MYT1L: variants seen among roughly 807,000 people sequenced by gnomAD.
MYT1L encodes myelin transcription factor 1-like protein.
Under a neutral mutation model 126.7 loss-of-function variants are expected in MYT1L, and 12 were observed. The observed-to-expected ratio is 0.09, with a 90% CI of 0.06 to 0.15. The LOEUF (loss-of-function observed/expected upper bound fraction) is 0.15. MYT1L is among the 10% of genes least tolerant of loss of function. MYT1L has a pLI of 1.00. For synonymous variants in MYT1L, 541 were observed against 604.2 expected, an observed-to-expected ratio of 0.90 and a Z score of 1.53; for missense variants, 979 against 1,585.2, an observed-to-expected ratio of 0.62 and a Z score of 6.49.
rs774451946 is a variant in MYT1L at position 1,922,871 on chromosome 2, C to T, written c.898G>A (p.Val300Ile). 41 of 1,613,856 alleles carry T rather than the reference C, an allele frequency of 2.5e-5. No individual in the cohort carries two copies. Among genetic ancestry groups the T allele is most frequent in the African/African-American group, 4.0e-5 (3 of 74,904 alleles). ...SQQDSRNMNY[V>I]MLGKPMNNGL... ...TTGTTCATGGGCTTCCCCAACATGACGTAATTCATATTTCTACTGTCTTGC... is the reference window on the plus strand; with the variant it reads ...TTGTTCATGGGCTTCCCCAACATGATGTAATTCATATTTCTACTGTCTTGC... The change falls in exon 10 of 25, where the codon GTC (valine) becomes ATC (isoleucine). Residue 300 changes from valine to isoleucine, a missense_variant. Val to Ile is a conservative substitution (Grantham distance 29). Transcript: ENST00000647738. This position sits in a 1 kb window ranked among gnomAD's most constrained non-coding sequence, Gnocchi z 7.4.
chr2:1,861,997 A>ATCCGCCTGCAGCCTGTGTAACCCTAG (rs1558192114), intron 18 of MYT1L, among the ~76,000 whole-genome samples: 5 of 151,374 alleles, frequency 3.3e-5, no homozygotes, highest in Non-Finnish European at 5.9e-5. Flanking sequence ...GTAATCCTGG[A>ATCCGCCTGCAGCCTGTGTAACCCTAG]ATTCGCTGAG....
At chr2:2,168,703 G>C (rs1572084576) in intron 3 of MYT1L, among the ~76,000 whole-genome samples, 2 of 152,152 alleles carry the variant, frequency 1.3e-5, no homozygotes, top group East Asian at 3.9e-4. Context: ...CTGACATGGA[G>C]AGTGGTCAGC....
At chr2:2,071,400 G>A (rs2074579488) in intron 3 of MYT1L, among the ~76,000 whole-genome samples, 1 of 152,148 alleles carries the variant, frequency 6.6e-6, no homozygotes, top group East Asian at 1.9e-4. Flanking sequence ...GAAAAAAGAG[G>A]AAACAAAATG....
At chr2:1,797,421 C>T (rs184869095) in intron 23 of MYT1L, among the ~76,000 whole-genome samples, 1,707 of 152,294 alleles carry the variant, frequency 0.011, 34 homozygotes, top group African/African-American at 0.039. Flanking sequence ...GGGGTTTCAC[C>T]GTGTTAGCCA....
chr2:2,136,779 A>G (rs1469597353), intron 3 of MYT1L, among the ~76,000 whole-genome samples: 1 of 152,202 alleles, frequency 6.6e-6, no homozygotes, highest in Non-Finnish European at 1.5e-5. Flanking sequence ...AAACTGGCAC[A>G]AGACAGGGAT....
At chr2:2,308,657 C>A (rs765971905) in intron 1 of MYT1L, among the ~76,000 whole-genome samples, 4 of 151,884 alleles carry the variant, frequency 2.6e-5, no homozygotes, top group Non-Finnish European at 5.9e-5. Flanking sequence ...ACCTACACTT[C>A]AGTACACTCT....
At chr2:2,240,551 A>G (rs189250727) in intron 2 of MYT1L, among the ~76,000 whole-genome samples, 173 of 152,334 alleles carry the variant, frequency 1.1e-3, no homozygotes, top group African/African-American at 4.0e-3. Context: ...CTATTTTTAT[A>G]GTAACACAAA....
chr2:1,945,438 C>T (rs781656133), intron 8 of MYT1L, among the ~76,000 whole-genome samples: 20 of 151,982 alleles, frequency 1.3e-4, no homozygotes, highest in Admixed American at 3.3e-4. Context: ...GACCAAGGGC[C>T]GTGAGGGAGC....
At chr2:1,880,941 C>T (rs552142417) in intron 18 of MYT1L, among the ~76,000 whole-genome samples, 2 of 152,182 alleles carry the variant, frequency 1.3e-5, no homozygotes, top group African/African-American at 2.4e-5. Context: ...ACCTGCACTG[C>T]GTTTCAAATA....
chr2:1,958,336 G>A lies in MYT1L; in HGVS notation c.153-15002C>T, dbSNP rs893444376. On this transcript the variant is annotated intron_variant, in intron 8 of 24. Coordinates refer to ENST00000647738, the MANE Select transcript of MYT1L (RefSeq NM_001303052.2). Reference sequence around the variant, plus strand: ...TGGAACCCAGAGAACCAGAGGAAGAGGAGGTGGCCACTGCAGATGGAAACC... The same window carrying A: ...TGGAACCCAGAGAACCAGAGGAAGAAGAGGTGGCCACTGCAGATGGAAACC... Among the ~76,000 whole-genome samples the A allele has an allele frequency of 3.9e-5, 6 of 152,002 alleles. No individual in the cohort carries two copies. The South Asian group carries it at 6.2e-4, about 16-fold the overall frequency.
At chr2:1,834,178 T>C (rs2040529012) in intron 21 of MYT1L, among the ~76,000 whole-genome samples, 1 of 152,254 alleles carries the variant, frequency 6.6e-6, no homozygotes, top group Admixed American at 6.5e-5. Flanking sequence ...ACCGCTGCTT[T>C]GTTTGCGCAG....
chr2:1,896,136 A>G (rs529303203), intron 14 of MYT1L, among the ~76,000 whole-genome samples: 1 of 152,338 alleles, frequency 6.6e-6, no homozygotes, highest in East Asian at 1.9e-4. Flanking sequence ...AACCACAGTG[A>G]GACAGCATCT....
intron 2 of MYT1L, among the ~76,000 whole-genome samples, chr2:2,226,817 A>G (rs1408793965): frequency 6.6e-6 from 1 of 152,164 alleles, no homozygotes; most frequent in East Asian, 1.9e-4. Context: ...CTTTCCCAAC[A>G]GCATTTCTAG....
At chr2:2,259,830 T>A (rs918217241) in intron 2 of MYT1L, among the ~76,000 whole-genome samples, 2 of 152,150 alleles carry the variant, frequency 1.3e-5, no homozygotes, top group African/African-American at 4.8e-5. Flanking sequence ...TAGGTCACAT[T>A]GTTTAACCTT....
intron 9 of MYT1L, among the ~76,000 whole-genome samples, chr2:1,938,304 A>ATATATAGTAAT (rs1331110582): frequency 6.6e-6 from 1 of 152,238 alleles, no homozygotes; most frequent in East Asian, 1.9e-4. Flanking sequence ...TATTTCTCAA[A>ATATATAGTAAT]TCACATGAAT....
At chr2:1,919,873 C>T (rs1303043232) in intron 10 of MYT1L, among the ~76,000 whole-genome samples, 2 of 152,128 alleles carry the variant, frequency 1.3e-5, no homozygotes, top group Non-Finnish European at 2.9e-5. Flanking sequence ...GGACTACAGG[C>T]GCCCACCACC....
At chr2:2,218,318 T>A (rs1347811094) in intron 2 of MYT1L, among the ~76,000 whole-genome samples, 1 of 152,188 alleles carries the variant, frequency 6.6e-6, no homozygotes, top group South Asian at 2.1e-4. Context: ...ATGATACAAA[T>A]ATCCATCAAC....
chr2:1,921,828 C>T (rs1304497770), intron 10 of MYT1L, among the ~76,000 whole-genome samples: 9 of 152,188 alleles, frequency 5.9e-5, no homozygotes, highest in Admixed American at 3.3e-4. Context: ...CAATAACTGT[C>T]ACTTGCTGAT....
intron 2 of MYT1L, among the ~76,000 whole-genome samples, chr2:2,175,043 T>C (rs1346974880): frequency 1.3e-5 from 2 of 152,216 alleles, no homozygotes; most frequent in Non-Finnish European, 2.9e-5. Context: ...TCAGACCTCC[T>C]TTCTATGTGT....
Sources: allele counts gnomAD v4.1 joint callset (sites outside exome capture counted in the v4.1 genomes callset), GRCh38; gene constraint gnomAD v4.1.1; non-coding constraint Gnocchi (gnomAD v3.1); transcripts MANE v1.5; gene names NCBI Gene and HGNC (gene_info 2026-07-23, HGNC 2026-07-21).